Variants in LYPLAL1 observed in about 807,000 individuals in gnomAD.
LYPLAL1 encodes the protein lysophospholipase like 1, also known as lysophospholipase-like protein 1.
LYPLAL1 carries 23 observed loss-of-function variants against 19.7 expected under a neutral mutation model. The ratio of observed to expected loss-of-function variants is 1.17; its 90% confidence interval spans 0.84 to 1.65. LYPLAL1 has a LOEUF of 1.65. Ranked by LOEUF, LYPLAL1 falls within the 40% of genes most tolerant of loss-of-function variation. The pLI, the probability that LYPLAL1 is intolerant of heterozygous loss-of-function variation, is 0.00. For synonymous variants in LYPLAL1, 119 were observed against 96.3 expected, an observed-to-expected ratio of 1.24 and a Z score of -1.38; for missense variants, 355 against 279.4, an observed-to-expected ratio of 1.27 and a Z score of -1.93.
At chr1:219,348,797 C>A in the LYPLAL1 span, among the ~76,000 whole-genome samples, 4 of 152,062 alleles carry the variant, frequency 2.6e-5, no homozygotes, top group Non-Finnish European at 5.9e-5. Context: ...TGAGTGCCTG[C>A]TATATATCAG....
At chr1:219,224,177 C>T in the LYPLAL1 span, among the ~76,000 whole-genome samples, 2 of 151,990 alleles carry the variant, frequency 1.3e-5, no homozygotes, top group African/African-American at 4.8e-5. Context: ...GCCAGCTTCT[C>T]GATTATGTAA....
At chr1:219,251,630 G>A in the LYPLAL1 span, among the ~76,000 whole-genome samples, 2 of 151,926 alleles carry the variant, frequency 1.3e-5, no homozygotes, top group South Asian at 4.2e-4. Context: ...CTGTTTCATT[G>A]GCCTGTGTGC....
chr1:219,286,742 G>A, the LYPLAL1 span, among the ~76,000 whole-genome samples: 1 of 152,302 alleles, frequency 6.6e-6, no homozygotes, highest in East Asian at 1.9e-4. Flanking sequence ...TGCACAGCCA[G>A]CTTCAGCTCC....
the LYPLAL1 span, among the ~76,000 whole-genome samples, chr1:219,409,218 A>ATCCCAAATTT: frequency 6.6e-6 from 1 of 152,050 alleles, no homozygotes; most frequent in Non-Finnish European, 1.5e-5. Flanking sequence ...GGAGGTGGAG[A>ATCCCAAATTT]TGGGCAGATC....
chr1:219,247,604 G>C, the LYPLAL1 span, among the ~76,000 whole-genome samples: 1 of 152,214 alleles, frequency 6.6e-6, no homozygotes, highest in Non-Finnish European at 1.5e-5. Context: ...TGCTTCTCCA[G>C]CTTTGCATGC....
intron 3 of LYPLAL1, among the ~76,000 whole-genome samples, chr1:219,201,823 G>A (rs1194242243): frequency 6.6e-6 from 1 of 152,160 alleles, no homozygotes; most frequent in Non-Finnish European, 1.5e-5. Context: ...CTTATACTGT[G>A]ACAAAACATT....
the LYPLAL1 span, among the ~76,000 whole-genome samples, chr1:219,267,077 A>T: frequency 6.6e-6 from 1 of 152,026 alleles, no homozygotes; most frequent in Non-Finnish European, 1.5e-5. Context: ...TTGCAGGAAA[A>T]CTTCAGCTTT....
At chr1:219,339,902 C>G in the LYPLAL1 span, among the ~76,000 whole-genome samples, 1 of 151,938 alleles carries the variant, frequency 6.6e-6, no homozygotes. Context: ...ATTTTTGCAC[C>G]ACATATTGGC....
the LYPLAL1 span, chr1:219,222,852 A>C: frequency 6.6e-6 from 1 of 152,246 alleles, no homozygotes; most frequent in African/African-American, 2.4e-5. Context: ...CTTTTTGCTA[A>C]ATTCTCATAT....
chr1:219,212,615 T>A lies in LYPLAL1; in HGVS notation c.*887T>A, dbSNP rs1375276423. On this transcript the variant is annotated 3_prime_UTR_variant, in exon 5 of 5. Transcript: ENST00000366928. ...ATTTTATTTGATCCTCACAACTGTT[T>A]AAGTTTTATTAAATATACATTATCC... is the stretch of plus-strand genomic sequence containing the variant. The A allele has an allele frequency of 1.3e-5, 2 of 152,060 alleles. No homozygotes were observed. The highest frequency in any genetic ancestry group is 4.8e-5 in the African/African-American group (2 of 41,442). 9.4% of individuals were successfully genotyped at this position (152,060 alleles called of 1,614,324 possible). A position where few individuals can be genotyped will look rare whatever the true frequency, so the allele number is the denominator to read the frequency against.
At chr1:219,351,612 T>C in the LYPLAL1 span, among the ~76,000 whole-genome samples, 1 of 152,074 alleles carries the variant, frequency 6.6e-6, no homozygotes, top group African/African-American at 2.4e-5. Context: ...AATGTTCTTA[T>C]AAGGGAAATA....
At chr1:219,284,550 A>G in the LYPLAL1 span, among the ~76,000 whole-genome samples, 1 of 152,242 alleles carries the variant, frequency 6.6e-6, no homozygotes, top group South Asian at 2.1e-4. Flanking sequence ...AGAAAATATT[A>G]AATGGATTCT....
the LYPLAL1 span, among the ~76,000 whole-genome samples, chr1:219,249,721 A>G: frequency 5.9e-5 from 9 of 151,922 alleles, no homozygotes; most frequent in Non-Finnish European, 1.2e-4. Context: ...ATCTTTTCTC[A>G]TTTTAGCACT....
the LYPLAL1 span, chr1:219,271,838 C>G: frequency 6.6e-6 from 1 of 152,180 alleles, no homozygotes; most frequent in Non-Finnish European, 1.5e-5. Flanking sequence ...ATCATTTTCC[C>G]CTAAACAACT....
chr1:219,207,869 C>A (rs982626777), intron 3 of LYPLAL1, among the ~76,000 whole-genome samples: 3 of 151,938 alleles, frequency 2.0e-5, no homozygotes, highest in African/African-American at 7.2e-5. Context: ...AAGAATATTG[C>A]CTTGCTACAG....
At chr1:219,325,979 C>T in the LYPLAL1 span, among the ~76,000 whole-genome samples, 1 of 152,130 alleles carries the variant, frequency 6.6e-6, no homozygotes, top group African/African-American at 2.4e-5. Flanking sequence ...GGATTTTCAT[C>T]TCAGCTTACT....
the LYPLAL1 span, among the ~76,000 whole-genome samples, chr1:219,241,134 CTATA>C: frequency 2.9e-3 from 130 of 44,356 alleles, no homozygotes; most frequent in African/African-American, 8.0e-3. Flanking sequence ...CTCTCTCTCT[CTATA>C]TATATATATA....
At chr1:219,321,590 CTT>C in the LYPLAL1 span, among the ~76,000 whole-genome samples, 2 of 152,234 alleles carry the variant, frequency 1.3e-5, no homozygotes, top group Non-Finnish European at 2.9e-5. Context: ...ACATTTAAGT[CTT>C]TAATCCATCT....
the LYPLAL1 span, among the ~76,000 whole-genome samples, chr1:219,278,678 AAAC>A: frequency 0.016 from 2,342 of 150,738 alleles, 63 homozygotes; most frequent in African/African-American, 0.05. Context: ...AAAAATCACT[AAAC>A]AACAACAACA....
Sources: gnomAD v4.1 joint callset for allele counts (sites outside exome capture counted in the v4.1 genomes callset) on GRCh38, gnomAD v4.1.1 for gene constraint, MANE v1.5 for transcripts, NCBI Gene and HGNC (gene_info 2026-07-23, HGNC 2026-07-21) for gene names.